AGPAT2: variants seen among roughly 807,000 people sequenced by gnomAD.
The protein encoded by AGPAT2 is 1-acylglycerol-3-phosphate O-acyltransferase 2, also known as 1-acyl-sn-glycerol-3-phosphate acyltransferase beta.
Under a neutral mutation model 26.1 loss-of-function variants are expected in AGPAT2, and 18 were observed. The observed-to-expected ratio is 0.69, with a 90% confidence interval of 0.48 to 1.02. The LOEUF (loss-of-function observed/expected upper bound fraction) is 1.02. AGPAT2 is among the 50% of genes least tolerant of loss of function. The pLI is 0.00. For synonymous variants in AGPAT2, 200 were observed against 174.2 expected (o/e 1.15, Z -1.16); for missense variants, 415 against 394.9 (o/e 1.05, Z -0.43).
At chr9:136,680,258 A>G (rs1489743188) in intron 1 of AGPAT2, among the ~76,000 whole-genome samples, 1 of 152,076 alleles carries the variant, frequency 6.6e-6, no homozygotes, top group Non-Finnish European at 1.5e-5. Flanking sequence ...ACAGGGTCTC[A>G]CTCTGTCACC....
intron 3 of AGPAT2, 136 bp from the exon 4 acceptor site, chr9:136,676,816 G>A: frequency 1.6e-6 from 2 of 1,254,430 alleles, no homozygotes; most frequent in Admixed American, 1.9e-5. Context: ...GGATGATGTA[G>A]GGGTCTGGCG....
At chr9:136,678,334 G>A (rs1217447236) in intron 1 of AGPAT2, among the ~76,000 whole-genome samples, 4 of 152,186 alleles carry the variant, frequency 2.6e-5, no homozygotes, top group Admixed American at 6.5e-5. Context: ...CAAGCAGCCC[G>A]TCATGGTTGG....
At chr9:136,686,168 C>A (rs2131022371) in intron 1 of AGPAT2, among the ~76,000 whole-genome samples, 1 of 152,248 alleles carries the variant, frequency 6.6e-6, no homozygotes, top group East Asian at 1.9e-4. Flanking sequence ...AGCCTCAGTG[C>A]CCTCCCAGGG....
Position 136,677,042 on chromosome 9 carries a change from G to GC in AGPAT2, c.410dup (p.Val138ArgfsTer10), listed in dbSNP as rs1181209658. ...AGCGCTGCCGGTTGATGAAGAAGAC[G>GC]CCCCCGAGGTACATGATGAGGCCCA... On this transcript the variant is annotated frameshift_variant, in exon 3 of 6. Transcript: ENST00000371696. LOFTEE classifies it high-confidence loss of function. 5.0e-6 allele frequency: 8 copies of GC among 1,612,936 alleles called. No homozygotes were observed. The African/African-American group carries it at 1.1e-4, about 22-fold the overall frequency.
chr9:136,677,014 T>C lies in AGPAT2; in HGVS notation c.439A>G (p.Ser147Gly). 3 of 1,595,882 alleles carry C rather than the reference T, an allele frequency of 1.9e-6. No individual in the cohort carries two copies. Among genetic ancestry groups the C allele is most frequent in the Non-Finnish European group, 2.6e-6 (3 of 1,169,844 alleles). Residue 147 changes from serine (S) to glycine (G), a missense_variant, in exon 3 of 6, where the codon AGC becomes GGC. Ser to Gly is a moderately conservative substitution (Grantham distance 56). Coordinates refer to ENST00000371696, the MANE Select transcript of AGPAT2 (RefSeq NM_006412.4). ...TCGGCCATCACTGTCATGGCAGTGC[T>C]AGAGCGCTGCCGGTTGATGAAGAAG... ...GVFFINRQRS[S>G]TAMTVMADLG...
At position 136,687,390 on chromosome 9, in the gene AGPAT2, TCGCTCCCGCTCC is replaced by T. The variant is rs376582855; in HGVS notation, c.-45_-34del. ...CCCGGCGCCCGACGGCGCCGCCAGC[TCGCTCCCGCTCC>T]CGCTCCCGCTTCTCCCCCGCGCGCT... On this transcript the variant is annotated 5_prime_UTR_variant, in exon 1 of 6. Coordinates refer to ENST00000371696, the MANE Select transcript of AGPAT2 (RefSeq NM_006412.4). 161 of 1,417,546 alleles carry T rather than the reference TCGCTCCCGCTCC, an allele frequency of 1.1e-4. No individual in the cohort carries two copies. Among genetic ancestry groups the T allele is most frequent in the South Asian group, 5.3e-4 (36 of 67,902 alleles). 87.8% of individuals were successfully genotyped at this position (1,417,546 alleles called of 1,614,324 possible). A position where few individuals can be genotyped will look rare whatever the true frequency, so the allele number is the denominator to read the frequency against.
In AGPAT2 at chr9:136,687,436, T is replaced by G; in HGVS notation, c.-79A>C. Reference sequence around the variant, plus strand: ...CTTCTCCCCCGCGCGCTCAGGCCCCTTATTGCGAGGGCGGCGGGGCTGGGC... The same window carrying G: ...CTTCTCCCCCGCGCGCTCAGGCCCCGTATTGCGAGGGCGGCGGGGCTGGGC... On this transcript the variant is annotated 5_prime_UTR_variant, in exon 1 of 6. Coordinates refer to ENST00000371696, the MANE Select transcript of AGPAT2 (RefSeq NM_006412.4). The G allele has an allele frequency of 1.6e-6, 2 of 1,229,026 alleles. No individual in the cohort carries two copies. Among genetic ancestry groups the G allele is most frequent in the Non-Finnish European group, 2.1e-6 (2 of 958,706 alleles). 76.1% of individuals were successfully genotyped at this position (1,229,026 alleles called of 1,614,324 possible). A position where few individuals can be genotyped will look rare whatever the true frequency, so the allele number is the denominator to read the frequency against.
In AGPAT2 at chr9:136,676,746, C is replaced by T. The variant is rs561223767; in HGVS notation, c.493-66G>A. The T allele has an allele frequency of 3.7e-5, 55 of 1,489,446 alleles. 2 individuals are homozygous for T. The South Asian group carries it at 5.1e-4, about 14-fold the overall frequency. 92.3% of individuals were successfully genotyped at this position (1,489,446 alleles called of 1,614,324 possible). ...CCACCCCAGAAAGGCCACGCCGCCT[C>T]GCCTCCTAAGAAGCCCCACTTCGCA... On this transcript the variant is annotated intron_variant, in intron 3 of 5. Transcript: ENST00000371696.
intron 1 of AGPAT2, among the ~76,000 whole-genome samples, chr9:136,683,871 T>A (rs1027887390): frequency 2.0e-5 from 3 of 152,176 alleles, no homozygotes; most frequent in Admixed American, 2.0e-4. Flanking sequence ...CGGACATCTG[T>A]CAGAGGACCC....
At position 136,678,562 on chromosome 9, in the gene AGPAT2, G is replaced by T. The variant is rs569226831; in HGVS notation, c.183-1006C>A. On this transcript the variant is annotated intron_variant, in intron 1 of 5. Transcript: ENST00000371696. ...AGGCTGTGCCAGCGCTGACTGGGGG[G>T]CTGCCAGTGCTGCTCCCCTCTCCAT... 4.6e-5 allele frequency among the ~76,000 whole-genome samples: 7 copies of T among 152,266 alleles called. No homozygotes were observed. In the East Asian group the frequency reaches 1.2e-3, roughly 25 times the overall value.
intron 1 of AGPAT2, among the ~76,000 whole-genome samples, chr9:136,683,514 G>A (rs370640378): frequency 3.9e-5 from 6 of 152,298 alleles, no homozygotes; most frequent in South Asian, 4.1e-4. Context: ...TGGGGCCACC[G>A]GGGACAGGGA....
chr9:136,681,178 C>T lies in AGPAT2; in HGVS notation c.183-3622G>A, dbSNP rs571872591. 5.9e-5 allele frequency among the ~76,000 whole-genome samples: 9 copies of T among 151,288 alleles called. No individual in the cohort carries two copies. The South Asian group carries it at 6.3e-4, about 11-fold the overall frequency. ...ATACTTCTCTCAGCTGTGAAAGACA[C>T]GGGGTACAAACCCCCGCCCAGCAGG... is the stretch of plus-strand genomic sequence containing the variant. On this transcript the variant is annotated intron_variant, in intron 1 of 5. Coordinates refer to ENST00000371696, the MANE Select transcript of AGPAT2 (RefSeq NM_006412.4).
intron 1 of AGPAT2, among the ~76,000 whole-genome samples, chr9:136,682,404 G>A (rs115771973): frequency 0.02 from 3,000 of 152,330 alleles, 130 homozygotes; most frequent in African/African-American, 0.068. Flanking sequence ...ACAGGCGGAC[G>A]AGGGGCTGCC....
Position 136,673,856 on chromosome 9 carries a change from C to G in AGPAT2, c.733G>C (p.Val245Leu), listed in dbSNP as rs778853584. ...CTCATGGCCCGGTGGCAGGTGTCCACGAGCGCAGGGACGTCCGCCGCAGTG... is the reference window on the plus strand; with the variant it reads ...CTCATGGCCCGGTGGCAGGTGTCCAGGAGCGCAGGGACGTCCGCCGCAGTG... ...GLTAADVPAL[V>L]DTCHRAMRTT... is the part of the protein sequence containing the mutation. Residue 245 changes from valine (V) to leucine (L), a missense_variant, in exon 6 of 6, where the codon GTG (valine) becomes CTG (leucine). Transcript: ENST00000371696. 6.2e-7 allele frequency: 1 copy of G among 1,605,514 alleles called. No individual in the cohort carries two copies. The highest frequency in any genetic ancestry group is 8.5e-7 in the Non-Finnish European group (1 of 1,177,636).
At chr9:136,684,823 G>A (rs1034511731) in intron 1 of AGPAT2, among the ~76,000 whole-genome samples, 2 of 152,134 alleles carry the variant, frequency 1.3e-5, no homozygotes, top group Admixed American at 6.5e-5. Flanking sequence ...GAGCACACGC[G>A]AATCCCTGTT....
chr9:136,683,171 C>T (rs1564294535), intron 1 of AGPAT2, among the ~76,000 whole-genome samples: 1 of 152,038 alleles, frequency 6.6e-6, no homozygotes, highest in Non-Finnish European at 1.5e-5. Context: ...ATCACTTGAG[C>T]TCAGGGGTTT....
At chr9:136,674,203 C>T (rs964331623) in intron 5 of AGPAT2, among the ~76,000 whole-genome samples, 3 of 152,190 alleles carry the variant, frequency 2.0e-5, no homozygotes, top group Admixed American at 2.0e-4. Flanking sequence ...CTGATCAGCC[C>T]CTACCTCACT....
intron 1 of AGPAT2, among the ~76,000 whole-genome samples, chr9:136,686,921 G>A (rs1156487714): frequency 6.6e-6 from 1 of 152,256 alleles, no homozygotes; most frequent in Non-Finnish European, 1.5e-5. Flanking sequence ...GGCCGAAACC[G>A]GTGTAGACGC....
At chr9:136,677,669 G>A (rs1015168417) in intron 1 of AGPAT2, 113 bp from the exon 2 acceptor site, 10 of 1,328,838 alleles carry the variant, frequency 7.5e-6, no homozygotes, top group African/African-American at 2.9e-5. Flanking sequence ...CTCCTGGCAC[G>A]GGGCAGGAGA....
Sources: allele counts gnomAD v4.1 joint callset (sites outside exome capture counted in the v4.1 genomes callset), GRCh38; gene constraint gnomAD v4.1.1; transcripts MANE v1.5; gene names NCBI Gene and HGNC (gene_info 2026-07-23, HGNC 2026-07-21).